ZMYND8: variants seen among roughly 807,000 people sequenced by gnomAD.
The protein encoded by ZMYND8 is MYND-type zinc finger-containing chromatin reader ZMYND8.
ZMYND8 carries 37 observed loss-of-function variants against 140.8 expected under a neutral mutation model. The ratio of observed to expected loss-of-function variants is 0.26; its 90% CI spans 0.20 to 0.35. ZMYND8 has a LOEUF of 0.35. Ranked by LOEUF, ZMYND8 falls within the 10% of genes least tolerant of loss-of-function variation. ZMYND8 has a pLI of 1.00. For missense variants in ZMYND8, 1,068 were observed against 1,570.0 expected (o/e 0.68, Z 5.40); for synonymous variants, 592 against 597.1 (o/e 0.99, Z 0.12).
At chr20:47,248,164 T>C (rs1209904879) in intron 13 of ZMYND8, among the ~76,000 whole-genome samples, 4 of 152,252 alleles carry the variant, frequency 2.6e-5, no homozygotes, top group African/African-American at 9.6e-5. Context: ...TCAGTTTCTC[T>C]ATCCGCAAAA....
chr20:47,249,815 T>G (rs1230044281), intron 12 of ZMYND8, among the ~76,000 whole-genome samples: 1 of 152,220 alleles, frequency 6.6e-6, no homozygotes, highest in Non-Finnish European at 1.5e-5. Flanking sequence ...ACACTGAGCC[T>G]GGTCAAGGTG....
intron 4 of ZMYND8, among the ~76,000 whole-genome samples, chr20:47,297,974 C>G (rs902887819): frequency 1.3e-5 from 2 of 152,110 alleles, no homozygotes; most frequent in East Asian, 1.9e-4. Context: ...GAAGTTGTCC[C>G]CCAAATGGCT....
intron 2 of ZMYND8, among the ~76,000 whole-genome samples, chr20:47,317,989 A>C (rs2079550692): frequency 6.6e-6 from 1 of 152,160 alleles, no homozygotes; most frequent in South Asian, 2.1e-4. Flanking sequence ...ATGGTAACTA[A>C]TGGGTAACTG....
At chr20:47,211,778 G>GA (rs1208839964) in intron 22 of ZMYND8, among the ~76,000 whole-genome samples, 2 of 152,212 alleles carry the variant, frequency 1.3e-5, no homozygotes, top group Non-Finnish European at 2.9e-5. Context: ...ATGTTTGGTT[G>GA]AAAGAGGTTG....
intron 5 of ZMYND8, 48 bp downstream of exon 5, chr20:47,294,618 T>C: frequency 6.4e-7 from 1 of 1,557,208 alleles, no homozygotes. Context: ...ACAAAACATA[T>C]GTCATTACGT....
chr20:47,245,956 G>C, intron 14 of ZMYND8, 52 bp downstream of exon 14: 1 of 1,533,940 alleles, frequency 6.5e-7, no homozygotes, highest in Non-Finnish European at 8.7e-7. Context: ...AAGTGTACGA[G>C]GTAGGATTCT....
intron 11 of ZMYND8, among the ~76,000 whole-genome samples, chr20:47,268,871 G>C (rs1045126021): frequency 6.6e-6 from 1 of 151,944 alleles, no homozygotes; most frequent in Non-Finnish European, 1.5e-5. Flanking sequence ...CTAAACACAA[G>C]GTGCTTGCTA....
intron 4 of ZMYND8, among the ~76,000 whole-genome samples, chr20:47,297,955 G>A (rs1160411121): frequency 2.0e-5 from 3 of 152,252 alleles, no homozygotes; most frequent in Admixed American, 1.3e-4. Context: ...GCCTCCGGCC[G>A]TCTGCCTGGA....
intron 19 of ZMYND8, among the ~76,000 whole-genome samples, chr20:47,222,181 C>T (rs997745650): frequency 2.6e-5 from 4 of 152,164 alleles, no homozygotes; most frequent in East Asian, 1.9e-4. Flanking sequence ...ACGTGAAAGG[C>T]GACATGCTAT....
intron 1 of ZMYND8, 24 bp from the exon 2 acceptor site, chr20:47,347,950 A>C: frequency 6.2e-7 from 1 of 1,612,572 alleles, no homozygotes; most frequent in Non-Finnish European, 8.5e-7. Flanking sequence ...AATTATGTTC[A>C]TGTTTAGGAA....
intron 19 of ZMYND8, among the ~76,000 whole-genome samples, chr20:47,222,755 C>A (rs1417867890): frequency 6.6e-6 from 1 of 152,168 alleles, no homozygotes; most frequent in Non-Finnish European, 1.5e-5. Flanking sequence ...TCCCTAAAGA[C>A]TAAAGAACAG....
chr20:47,276,280 G>A (rs2076253935), intron 11 of ZMYND8, 34 bp downstream of exon 11: 1 of 1,497,314 alleles, frequency 6.7e-7, no homozygotes, highest in African/African-American at 1.4e-5. Context: ...CGTGTCCAAG[G>A]GGCCTCCTCC....
intron 12 of ZMYND8, among the ~76,000 whole-genome samples, chr20:47,252,291 CAAAAAA>C (rs144291181): frequency 8.7e-5 from 6 of 68,938 alleles, no homozygotes; most frequent in African/African-American, 1.2e-4. Context: ...GACTCTGTCT[CAAAAAA>C]AAAAAAAAAA....
At chr20:47,346,831 C>CGCCT (rs1157817310) in intron 2 of ZMYND8, among the ~76,000 whole-genome samples, 9 of 152,334 alleles carry the variant, frequency 5.9e-5, no homozygotes, top group African/African-American at 1.7e-4. Flanking sequence ...TGGTCTCGAA[C>CGCCT]GCCTGACCTC....
chr20:47,235,277 T>G (rs112853607), intron 16 of ZMYND8, among the ~76,000 whole-genome samples: 1 of 152,216 alleles, frequency 6.6e-6, no homozygotes. Context: ...CCTGCCTTTG[T>G]GGACCTGACA....
intron 3 of ZMYND8, among the ~76,000 whole-genome samples, chr20:47,301,427 AT>A (rs1468719971): frequency 6.6e-6 from 1 of 152,138 alleles, no homozygotes; most frequent in Non-Finnish European, 1.5e-5. Flanking sequence ...AAGTGCTGGG[AT>A]TACAGGTGTT....
chr20:47,210,077 G>A lies in ZMYND8; in HGVS notation c.*684C>T, dbSNP rs1278213451. On this transcript the variant is annotated 3_prime_UTR_variant, in exon 23 of 23. Coordinates refer to ENST00000471951, the MANE Select transcript of ZMYND8 (RefSeq NM_001281775.3). ...CAAGGATATTGTTTTTTCCCTTTTA[G>A]GAGTAGAGTCATCATTTCAATCACA... 2 of 152,586 alleles carry A rather than the reference G, an allele frequency of 1.3e-5. No homozygotes were observed. The allele number at this position is 152,586 out of a possible 1,614,324, so 9.5% of individuals were successfully genotyped here.
chr20:47,215,092 G>A (rs563796650), intron 21 of ZMYND8, among the ~76,000 whole-genome samples: 9 of 152,252 alleles, frequency 5.9e-5, no homozygotes, highest in Admixed American at 5.2e-4. Context: ...AAAAATGTCG[G>A]CCAGGCATGG....
chr20:47,288,747 C>T (rs778838833), intron 7 of ZMYND8, among the ~76,000 whole-genome samples: 1 of 152,144 alleles, frequency 6.6e-6, no homozygotes, highest in Non-Finnish European at 1.5e-5. Flanking sequence ...CACTCTCAGC[C>T]CTGCTATAGT....
Sources: allele counts gnomAD v4.1 joint callset (sites outside exome capture counted in the v4.1 genomes callset), GRCh38; gene constraint gnomAD v4.1.1; transcripts MANE v1.5; gene names NCBI Gene and HGNC (gene_info 2026-07-23, HGNC 2026-07-21).